Variants in DNAJB6 observed in about 807,000 individuals in gnomAD.
DNAJB6 encodes dnaJ homolog subfamily B member 6.
In DNAJB6, 16 loss-of-function variants were observed where a neutral mutation model predicts 42.7. That is an observed-to-expected ratio of 0.37 (90% CI 0.25 to 0.57). The LOEUF is 0.57. DNAJB6 is among the 20% of genes least tolerant of loss of function. The probability of loss-of-function intolerance (pLI) is 0.74; values close to 1 mark genes in which losing one functional copy is unlikely to be tolerated. For missense variants in DNAJB6, 347 were observed against 416.8 expected (o/e 0.83, Z 1.46); for synonymous variants, 170 against 163.5 (o/e 1.04, Z -0.30).
rs557252978 is a variant in DNAJB6 at position 157,339,882 on chromosome 7, T to G, written c.-27+2738T>G. Reference sequence around the variant, plus strand: ...CCTCAGGTGATCCACCCGCCTCGGCTTCGCAAAGTGCTGGATTACAGGTGT... The same window carrying G: ...CCTCAGGTGATCCACCCGCCTCGGCGTCGCAAAGTGCTGGATTACAGGTGT... On this transcript the variant is annotated intron_variant, in intron 1 of 9. Coordinates refer to ENST00000262177, the MANE Select transcript of DNAJB6 (RefSeq NM_058246.4). The G allele has an allele frequency of 2.0e-5, 3 of 152,210 alleles. No individual in the cohort carries two copies. In the East Asian group the frequency reaches 5.8e-4, roughly 29 times the overall value. 9.4% of individuals were successfully genotyped at this position (152,210 alleles called of 1,614,324 possible). A position where few individuals can be genotyped will look rare whatever the true frequency, so the allele number is the denominator to read the frequency against.
At chr7:157,366,913 G>T (rs1212039806) in intron 4 of DNAJB6, among the ~76,000 whole-genome samples, 1 of 152,170 alleles carries the variant, frequency 6.6e-6, no homozygotes, top group East Asian at 1.9e-4. Flanking sequence ...GAAGGGCGTG[G>T]ACTTTGTCCC....
At position 157,368,735 on chromosome 7, in the gene DNAJB6, AGTT is replaced by A. The variant is rs1282728671; in HGVS notation, c.346+1256_346+1258del. ...GTCAGGATTAAACATGTACTCCTGT[AGTT>A]GTTTTTGTCTTTTGACTTATTGAAA... On this transcript the variant is annotated intron_variant, in intron 5 of 9. Transcript: ENST00000262177. The A allele has an allele frequency of 4.4e-5, 7 of 158,842 alleles. No homozygotes were observed. The South Asian group carries it at 1.1e-3, about 24-fold the overall frequency. The allele number at this position is 158,842 out of a possible 1,614,324, so 9.8% of individuals were successfully genotyped here.
In DNAJB6 at chr7:157,382,990, C is replaced by CT. The variant is rs369351438; in HGVS notation, c.478+623dup. 1.6e-3 allele frequency among the ~76,000 whole-genome samples: 233 copies of CT among 148,856 alleles called. 3 individuals carry two copies. The highest frequency in any genetic ancestry group is 6.8e-3 in the South Asian group (32 of 4,684). ...CATCCAGTTTCTCTTCACAAAGGAG[C>CT]TTTTTTTTTTGTTGTGTTTTGTTTT... On this transcript the variant is annotated intron_variant, in intron 6 of 9. Transcript: ENST00000262177.
chr7:157,370,646 T>C (rs1800162651), intron 5 of DNAJB6: 1 of 152,630 alleles, frequency 6.6e-6, no homozygotes, highest in Admixed American at 6.5e-5. Flanking sequence ...GTGCTAGTCT[T>C]ACTGAAGCGC....
intron 3 of DNAJB6, among the ~76,000 whole-genome samples, chr7:157,365,531 C>T (rs953436213): frequency 3.9e-5 from 6 of 152,186 alleles, no homozygotes; most frequent in African/African-American, 1.2e-4. Flanking sequence ...ATATGGTCCT[C>T]TAATTGGGTT....
chr7:157,338,662 G>GTA (rs1179150888), intron 1 of DNAJB6, among the ~76,000 whole-genome samples: 3 of 152,166 alleles, frequency 2.0e-5, no homozygotes, highest in Non-Finnish European at 4.4e-5. Context: ...ACTCCTGAGG[G>GTA]CCTTAAGCTC....
At chr7:157,340,875 C>T (rs1019189932) in intron 1 of DNAJB6, among the ~76,000 whole-genome samples, 3 of 152,178 alleles carry the variant, frequency 2.0e-5, no homozygotes, top group African/African-American at 7.2e-5. Context: ...CCATGTTGGT[C>T]AGGCTGGTCT....
chr7:157,347,913 A>G (rs1232196182), intron 1 of DNAJB6, among the ~76,000 whole-genome samples: 3 of 151,890 alleles, frequency 2.0e-5, no homozygotes, highest in Admixed American at 1.3e-4. Flanking sequence ...CTTCTGCCTC[A>G]GCCTCCCGAG....
At chr7:157,341,467 T>C (rs1348079705) in intron 1 of DNAJB6, among the ~76,000 whole-genome samples, 2 of 152,202 alleles carry the variant, frequency 1.3e-5, no homozygotes, top group African/African-American at 4.8e-5. Context: ...TACGTGTCTT[T>C]GGAAGGGTGA....
chr7:157,361,316 G>T (rs1478712114), intron 2 of DNAJB6, among the ~76,000 whole-genome samples: 1 of 152,032 alleles, frequency 6.6e-6, no homozygotes, highest in Non-Finnish European at 1.5e-5. Context: ...CTGCCATGAT[G>T]CCCAGCTAAT....
intron 4 of DNAJB6, 83 bp from the exon 5 acceptor site, chr7:157,367,290 T>C: frequency 1.1e-6 from 1 of 922,026 alleles, no homozygotes; most frequent in South Asian, 1.4e-5. Flanking sequence ...GTTCATGATT[T>C]GTATAATGTT....
intron 5 of DNAJB6, among the ~76,000 whole-genome samples, chr7:157,373,955 G>A (rs1317329372): frequency 1.3e-5 from 2 of 152,110 alleles, no homozygotes; most frequent in Non-Finnish European, 2.9e-5. Context: ...GCTGAGGTAG[G>A]AGATTCCTTG....
At chr7:157,400,148 G>A (rs1476038650) in intron 8 of DNAJB6, among the ~76,000 whole-genome samples, 2 of 152,146 alleles carry the variant, frequency 1.3e-5, no homozygotes, top group Non-Finnish European at 2.9e-5. Flanking sequence ...GCCTTTTTTC[G>A]GTTTCTTTGT....
intron 8 of DNAJB6, among the ~76,000 whole-genome samples, chr7:157,394,361 T>C (rs932394774): frequency 1.6e-4 from 25 of 152,330 alleles, no homozygotes; most frequent in East Asian, 1.9e-4. Flanking sequence ...TGCCCCTGTG[T>C]ATCTACCTTA....
At chr7:157,385,126 A>G in intron 7 of DNAJB6, 118 bp downstream of exon 7, 3 of 1,103,634 alleles carry the variant, frequency 2.7e-6, no homozygotes, top group Non-Finnish European at 3.8e-6. Flanking sequence ...ATCTGGCGCC[A>G]TGAAAATCTT....
In DNAJB6 at chr7:157,385,680, A is replaced by G. The variant is rs777786368; in HGVS notation, c.691+69A>G. The G allele has an allele frequency of 3.5e-5, 56 of 1,598,890 alleles. No individual in the cohort carries two copies. In the South Asian group the frequency reaches 5.8e-4, roughly 17 times the overall value. ...ACGCACTTAACAGAAATGTTAAACT[A>G]TAACAAGCACCATTTGAGGATTAAC... On this transcript the variant is annotated intron_variant, in intron 8 of 9. Coordinates refer to ENST00000262177, the MANE Select transcript of DNAJB6 (RefSeq NM_058246.4).
At chr7:157,370,397 T>C (rs1240909848) in intron 5 of DNAJB6, among the ~76,000 whole-genome samples, 1 of 152,196 alleles carries the variant, frequency 6.6e-6, no homozygotes, top group Admixed American at 6.5e-5. Flanking sequence ...TTAACATTAT[T>C]ATTAAATGGG....
At chr7:157,396,057 C>T (rs1801571080) in intron 8 of DNAJB6, among the ~76,000 whole-genome samples, 1 of 151,684 alleles carries the variant, frequency 6.6e-6, no homozygotes, top group Admixed American at 6.6e-5. Flanking sequence ...AAGCGATTCT[C>T]ATGCCTCAGC....
chr7:157,398,291 T>C (rs1454312861), intron 8 of DNAJB6, among the ~76,000 whole-genome samples: 2 of 152,226 alleles, frequency 1.3e-5, no homozygotes, highest in East Asian at 3.8e-4. Flanking sequence ...GGGCCAGGCA[T>C]GCATTTTTGG....
Sources: gnomAD v4.1 joint callset for allele counts (sites outside exome capture counted in the v4.1 genomes callset) on GRCh38, gnomAD v4.1.1 for gene constraint, MANE v1.5 for transcripts, NCBI Gene and HGNC (gene_info 2026-07-23, HGNC 2026-07-21) for gene names.